The following ARHGAP22 variants were observed in gnomAD, a reference collection of about 807,000 sequenced individuals.
ARHGAP22 encodes Rho GTPase activating protein 22.
In ARHGAP22, 48 loss-of-function variants were observed where a neutral mutation model predicts 59.1. The ratio of observed to expected loss-of-function variants is 0.81; its 90% CI spans 0.64 to 1.03. ARHGAP22 has a LOEUF of 1.03. Among genes scored for constraint, ARHGAP22 ranks in the 50% least tolerant of loss-of-function variants. ARHGAP22 has a pLI of 0.00. For synonymous variants in ARHGAP22, 445 were observed against 416.4 expected (o/e 1.07, Z -0.84); for missense variants, 1,015 against 958.7 (o/e 1.06, Z -0.78).
intron 2 of ARHGAP22, among the ~76,000 whole-genome samples, chr10:48,559,983 T>C (rs1172496831): frequency 2.0e-5 from 3 of 152,210 alleles, no homozygotes; most frequent in Non-Finnish European, 4.4e-5. Context: ...TCAGATATAC[T>C]GTAGTAGGTA....
intron 3 of ARHGAP22, among the ~76,000 whole-genome samples, chr10:48,538,367 C>T (rs2055577683): frequency 6.6e-6 from 1 of 152,224 alleles, no homozygotes; most frequent in Admixed American, 6.5e-5. Flanking sequence ...ATTGCATCTG[C>T]ATGAATTCTG....
intron 3 of ARHGAP22, among the ~76,000 whole-genome samples, chr10:48,507,180 A>T (rs1169344723): frequency 6.6e-6 from 1 of 152,234 alleles, no homozygotes; most frequent in Non-Finnish European, 1.5e-5. Context: ...TACACAGAGC[A>T]TCACAGTAAC....
At chr10:48,540,145 A>G (rs1244680397) in intron 3 of ARHGAP22, among the ~76,000 whole-genome samples, 1 of 152,214 alleles carries the variant, frequency 6.6e-6, no homozygotes, top group African/African-American at 2.4e-5. Flanking sequence ...TAAGTCAGCC[A>G]ATACATAATA....
intron 2 of ARHGAP22, among the ~76,000 whole-genome samples, chr10:48,564,917 G>A (rs140243484): frequency 9.0e-4 from 137 of 152,306 alleles, no homozygotes; most frequent in African/African-American, 2.5e-3. Context: ...AGAATGATCC[G>A]TCTTGGGAAC....
intron 1 of ARHGAP22, among the ~76,000 whole-genome samples, chr10:48,634,508 G>A (rs1369947274): frequency 6.6e-6 from 1 of 152,200 alleles, no homozygotes; most frequent in Non-Finnish European, 1.5e-5. Context: ...TCTCTAAGAA[G>A]AGCCGCTGAC....
chr10:48,541,851 G>C (rs149407584), intron 3 of ARHGAP22, among the ~76,000 whole-genome samples: 1 of 152,326 alleles, frequency 6.6e-6, no homozygotes, highest in African/African-American at 2.4e-5. Flanking sequence ...GAAGGTGCAG[G>C]CCACCCTCCA....
At chr10:48,543,493 A>T (rs1407931007) in intron 3 of ARHGAP22, among the ~76,000 whole-genome samples, 1 of 152,218 alleles carries the variant, frequency 6.6e-6, no homozygotes, top group Admixed American at 6.5e-5. Flanking sequence ...TCCTGTATTT[A>T]AAAAAAGGAA....
intron 4 of ARHGAP22, among the ~76,000 whole-genome samples, chr10:48,466,370 G>A (rs960476320): frequency 6.6e-6 from 1 of 151,890 alleles, no homozygotes; most frequent in Non-Finnish European, 1.5e-5. Context: ...CCTCGGACAC[G>A]CACGACCCTC....
chr10:48,457,798 G>A (rs1378850271), intron 5 of ARHGAP22, among the ~76,000 whole-genome samples: 1 of 152,134 alleles, frequency 6.6e-6, no homozygotes, highest in Non-Finnish European at 1.5e-5. Context: ...TGAGGAGGGG[G>A]CTTCCTGCGG....
At chr10:48,525,107 G>A (rs966834141) in intron 3 of ARHGAP22, among the ~76,000 whole-genome samples, 2 of 152,182 alleles carry the variant, frequency 1.3e-5, no homozygotes, top group African/African-American at 4.8e-5. Context: ...AAGGTAACAT[G>A]GAAGCTGCTT....
intron 3 of ARHGAP22, among the ~76,000 whole-genome samples, chr10:48,513,744 A>G (rs2053017751): frequency 6.6e-6 from 1 of 152,224 alleles, no homozygotes; most frequent in African/African-American, 2.4e-5. Flanking sequence ...ATTGTAAGAT[A>G]CCCAAGAAAA....
chr10:48,554,627 G>T (rs1311804878), intron 3 of ARHGAP22, among the ~76,000 whole-genome samples: 1 of 151,954 alleles, frequency 6.6e-6, no homozygotes, highest in Non-Finnish European at 1.5e-5. Flanking sequence ...GGCTAGAAAT[G>T]TCGGTTACTC....
intron 3 of ARHGAP22, among the ~76,000 whole-genome samples, chr10:48,528,368 A>G (rs187742141): frequency 1.3e-5 from 2 of 152,360 alleles, no homozygotes; most frequent in Middle Eastern, 3.4e-3. Flanking sequence ...TAGGGAGCCT[A>G]TAATGATCAT....
intron 9 of ARHGAP22, among the ~76,000 whole-genome samples, chr10:48,449,659 G>A (rs990107195): frequency 6.6e-6 from 1 of 152,242 alleles, no homozygotes; most frequent in African/African-American, 2.4e-5. Context: ...AGGAGCTGAG[G>A]TTCCTCACTG....
At chr10:48,592,160 C>G (rs1429746408) in intron 1 of ARHGAP22, among the ~76,000 whole-genome samples, 1 of 152,190 alleles carries the variant, frequency 6.6e-6, no homozygotes, top group Admixed American at 6.5e-5. Context: ...GTCTTCAATC[C>G]TTGTCTCCAA....
chr10:48,527,533 G>A (rs556375270), intron 3 of ARHGAP22, among the ~76,000 whole-genome samples: 1 of 152,274 alleles, frequency 6.6e-6, no homozygotes, highest in African/African-American at 2.4e-5. Flanking sequence ...TGATGGATGG[G>A]TGGAGGGATG....
intron 3 of ARHGAP22, among the ~76,000 whole-genome samples, chr10:48,548,188 C>T (rs539819180): frequency 3.3e-5 from 5 of 152,218 alleles, no homozygotes; most frequent in Non-Finnish European, 7.4e-5. Context: ...CCCCTCCCAG[C>T]TCCTGGCCCC....
At chr10:48,598,922 C>T (rs538581200) in intron 1 of ARHGAP22, among the ~76,000 whole-genome samples, 1 of 152,200 alleles carries the variant, frequency 6.6e-6, no homozygotes, top group Admixed American at 6.5e-5. Flanking sequence ...TGTTCAGAAG[C>T]CTTTGGGTTC....
chr10:48,555,349 G>C, intron 3 of ARHGAP22, 114 bp downstream of exon 3: 1 of 1,009,336 alleles, frequency 9.9e-7, no homozygotes, highest in Non-Finnish European at 1.5e-6. Flanking sequence ...GTCATGCCTG[G>C]AGACTGTGCT....
Sources: gnomAD v4.1 joint callset for allele counts (sites outside exome capture counted in the v4.1 genomes callset) on GRCh38, gnomAD v4.1.1 for gene constraint, MANE v1.5 for transcripts, NCBI Gene and HGNC (gene_info 2026-07-23, HGNC 2026-07-21) for gene names.